Variants in KCNMA1 observed in about 807,000 individuals in gnomAD.
The protein encoded by KCNMA1 is potassium calcium-activated channel subfamily M alpha 1, also known as Calcium-activated potassium channel subunit alpha-1.
A neutral mutation model predicts 140.0 loss-of-function variants in KCNMA1; 29 were observed. That is an observed-to-expected ratio of 0.21 (90% CI 0.15 to 0.28). KCNMA1 has a LOEUF of 0.28. KCNMA1 is among the 10% of genes least tolerant of loss of function. The pLI is 1.00. For missense variants in KCNMA1, 880 were observed against 1,602.2 expected (o/e 0.55, Z 7.70); for synonymous variants, 612 against 611.9 (o/e 1.00, Z 0.00).
chr10:77,570,331 C>G (rs1382271034), intron 1 of KCNMA1, among the ~76,000 whole-genome samples: 4 of 143,336 alleles, frequency 2.8e-5, no homozygotes, highest in Non-Finnish European at 6.1e-5. Context: ...AGACTTGGAA[C>G]CAACCCAAAT....
At chr10:77,237,692 A>G (rs935559338) in intron 3 of KCNMA1, among the ~76,000 whole-genome samples, 5 of 151,898 alleles carry the variant, frequency 3.3e-5, no homozygotes, top group Admixed American at 1.3e-4. Context: ...GGCTCAAGTG[A>G]TCCTCTTACC....
At chr10:76,948,499 T>C (rs1335106686) in intron 22 of KCNMA1, among the ~76,000 whole-genome samples, 1 of 152,216 alleles carries the variant, frequency 6.6e-6, no homozygotes, top group Non-Finnish European at 1.5e-5. Context: ...CTAAATCCCA[T>C]ATCCTCACAC....
At chr10:77,500,330 G>T (rs1364933024) in intron 1 of KCNMA1, among the ~76,000 whole-genome samples, 1 of 151,832 alleles carries the variant, frequency 6.6e-6, no homozygotes, top group Non-Finnish European at 1.5e-5. Flanking sequence ...ACAAAATAAG[G>T]TTAAAAGTAA....
chr10:77,016,996 C>T (rs2153473546), intron 17 of KCNMA1, among the ~76,000 whole-genome samples: 1 of 152,212 alleles, frequency 6.6e-6, no homozygotes. Context: ...TATTTGAGAT[C>T]CCCTAACTGA....
chr10:77,104,732 T>G (rs779395100), intron 9 of KCNMA1, among the ~76,000 whole-genome samples: 10 of 152,192 alleles, frequency 6.6e-5, no homozygotes, highest in Non-Finnish European at 1.5e-4. Flanking sequence ...CCATGTGACC[T>G]TGGACCACGA....
At chr10:76,963,587 G>A (rs1287791511) in intron 20 of KCNMA1, among the ~76,000 whole-genome samples, 1 of 152,104 alleles carries the variant, frequency 6.6e-6, no homozygotes, top group Non-Finnish European at 1.5e-5. Context: ...TGAAGGAGGC[G>A]CCTCACATTC....
intron 2 of KCNMA1, among the ~76,000 whole-genome samples, chr10:77,368,892 T>C (rs2094519367): frequency 6.6e-6 from 1 of 152,254 alleles, no homozygotes. Flanking sequence ...CATTGATCTA[T>C]GTGTCTATCC....
At chr10:77,027,096 A>T (rs564413996) in intron 16 of KCNMA1, among the ~76,000 whole-genome samples, 1 of 152,314 alleles carries the variant, frequency 6.6e-6, no homozygotes, top group African/African-American at 2.4e-5. Flanking sequence ...GGAGCAAAAA[A>T]ATCATCTCTA....
chr10:77,210,841 G>A (rs1250867499), intron 3 of KCNMA1, among the ~76,000 whole-genome samples: 2 of 151,962 alleles, frequency 1.3e-5, no homozygotes, highest in Admixed American at 6.6e-5. Flanking sequence ...AAAATACCTA[G>A]GAGCACAGCT....
At chr10:76,909,624 G>C (rs1310136156) in intron 25 of KCNMA1, among the ~76,000 whole-genome samples, 4 of 151,972 alleles carry the variant, frequency 2.6e-5, no homozygotes, top group Non-Finnish European at 5.9e-5. Context: ...TTCTTCTTCA[G>C]AGAATGCTCT....
At chr10:77,515,660 G>GCGGGTGCCATTTC (rs2050131522) in intron 1 of KCNMA1, among the ~76,000 whole-genome samples, 1 of 152,194 alleles carries the variant, frequency 6.6e-6, no homozygotes, top group South Asian at 2.1e-4. Context: ...TGTACACCTT[G>GCGGGTGCCATTTC]CTGGTGCCAT....
At chr10:77,260,108 G>A (rs1221116867) in intron 2 of KCNMA1, among the ~76,000 whole-genome samples, 1 of 152,168 alleles carries the variant, frequency 6.6e-6, no homozygotes, top group Non-Finnish European at 1.5e-5. Flanking sequence ...CAGCATCCAG[G>A]GGATCCCTGG....
intron 1 of KCNMA1, among the ~76,000 whole-genome samples, chr10:77,484,701 A>G (rs1272424587): frequency 1.3e-5 from 2 of 152,244 alleles, no homozygotes; most frequent in Admixed American, 6.5e-5. Flanking sequence ...AAATGGTCCA[A>G]ACAAGACATG....
intron 1 of KCNMA1, among the ~76,000 whole-genome samples, chr10:77,440,780 G>A (rs1309936815): frequency 6.6e-6 from 1 of 152,074 alleles, no homozygotes; most frequent in Non-Finnish European, 1.5e-5. Context: ...GAGAGAGTAG[G>A]GCAGAAAGCA....
intron 1 of KCNMA1, among the ~76,000 whole-genome samples, chr10:77,577,600 A>G (rs1441057445): frequency 1.3e-5 from 2 of 152,362 alleles, no homozygotes; most frequent in East Asian, 3.8e-4. Context: ...ATACACACAT[A>G]CGTAACTTAT....
intron 2 of KCNMA1, among the ~76,000 whole-genome samples, chr10:77,291,126 A>T (rs759870720): frequency 6.6e-6 from 1 of 152,178 alleles, no homozygotes; most frequent in Non-Finnish European, 1.5e-5. Context: ...TTCCCCATGA[A>T]TTTAGTACCA....
intron 1 of KCNMA1, among the ~76,000 whole-genome samples, chr10:77,600,346 G>C (rs2082231484): frequency 6.6e-6 from 1 of 152,322 alleles, no homozygotes; most frequent in African/African-American, 2.4e-5. Flanking sequence ...CTAGTGGGGA[G>C]AGCAGGAGGT....
chr10:76,986,854 C>T (rs1166396696), intron 19 of KCNMA1, among the ~76,000 whole-genome samples: 1 of 152,160 alleles, frequency 6.6e-6, no homozygotes, highest in Non-Finnish European at 1.5e-5. Context: ...CCCCCAGATC[C>T]ACTACAGAGC....
intron 1 of KCNMA1, among the ~76,000 whole-genome samples, chr10:77,468,940 G>A (rs1481114686): frequency 2.0e-5 from 3 of 152,120 alleles, no homozygotes; most frequent in African/African-American, 7.2e-5. Context: ...TTACTCTTCT[G>A]TGTGAGAAAA....
Sources: gnomAD v4.1 joint callset for allele counts (sites outside exome capture counted in the v4.1 genomes callset) on GRCh38, gnomAD v4.1.1 for gene constraint, MANE v1.5 for transcripts, NCBI Gene and HGNC (gene_info 2026-07-23, HGNC 2026-07-21) for gene names.